SLIT3: variants seen among roughly 807,000 people sequenced by gnomAD.
SLIT3 encodes the protein slit homolog 3 protein.
Under a neutral mutation model 184.0 loss-of-function variants are expected in SLIT3, and 68 were observed. That is an observed-to-expected ratio of 0.37 (90% CI 0.30 to 0.45). SLIT3 has a LOEUF of 0.45. Among genes scored for constraint, SLIT3 ranks in the 20% least tolerant of loss-of-function variants. The probability of loss-of-function intolerance (pLI) is 1.00; values close to 1 mark genes in which losing one functional copy is unlikely to be tolerated. For missense variants in SLIT3, 1,707 were observed against 2,026.0 expected (o/e 0.84, Z 3.02); for synonymous variants, 831 against 828.6 (o/e 1.00, Z -0.05).
chr5:168,955,710 C>T (rs184730997), intron 4 of SLIT3, among the ~76,000 whole-genome samples: 28 of 152,302 alleles, frequency 1.8e-4, no homozygotes, highest in Admixed American at 1.7e-3. Flanking sequence ...AGGCCCACTG[C>T]CAAAAGGCCC....
intron 25 of SLIT3, chr5:168,708,625 A>ACATGATG (rs1277483368): frequency 6.1e-6 from 1 of 163,574 alleles, no homozygotes; most frequent in Admixed American, 5.8e-5. Context: ...GATGATGCTG[A>ACATGATG]CAATGGACAG....
chr5:169,099,251 T>C (rs1759914373), intron 4 of SLIT3, among the ~76,000 whole-genome samples: 1 of 152,110 alleles, frequency 6.6e-6, no homozygotes, highest in African/African-American at 2.4e-5. Context: ...AATAGGCGAT[T>C]TGCAGGCACA....
intron 5 of SLIT3, among the ~76,000 whole-genome samples, chr5:168,862,945 G>A (rs1024548912): frequency 6.6e-6 from 1 of 152,230 alleles, no homozygotes; most frequent in East Asian, 1.9e-4. Context: ...AAAGTGTTGG[G>A]ATTACAGGCA....
intron 20 of SLIT3, among the ~76,000 whole-genome samples, chr5:168,743,679 A>C (rs564170635): frequency 3.0e-4 from 46 of 152,266 alleles, no homozygotes; most frequent in Admixed American, 5.9e-4. Context: ...AGTGAGGAAG[A>C]CATATCAAAA....
At chr5:168,702,858 G>A (rs368215288) in intron 26 of SLIT3, among the ~76,000 whole-genome samples, 82 of 152,286 alleles carry the variant, frequency 5.4e-4, no homozygotes, top group Middle Eastern at 3.4e-3. Flanking sequence ...AAAGAACCTT[G>A]AGAAGGTCAA....
At chr5:168,896,281 C>G (rs1245948868) in intron 4 of SLIT3, among the ~76,000 whole-genome samples, 1 of 152,162 alleles carries the variant, frequency 6.6e-6, no homozygotes, top group Non-Finnish European at 1.5e-5. Context: ...GTTTTTGCAT[C>G]TGTATAATGC....
chr5:169,271,666 C>G (rs1766620929), intron 1 of SLIT3, among the ~76,000 whole-genome samples: 1 of 152,312 alleles, frequency 6.6e-6, no homozygotes, highest in Non-Finnish European at 1.5e-5. Context: ...TATATATAGA[C>G]AGAGATGCTC....
intron 3 of SLIT3, among the ~76,000 whole-genome samples, chr5:169,201,931 C>T (rs1030679120): frequency 2.0e-5 from 3 of 152,240 alleles, no homozygotes; most frequent in African/African-American, 7.2e-5. Flanking sequence ...AGCATCAAAA[C>T]AGCACAGATC....
At chr5:168,842,487 TG>T (rs1393596276) in intron 6 of SLIT3, among the ~76,000 whole-genome samples, 4 of 149,084 alleles carry the variant, frequency 2.7e-5, no homozygotes, top group South Asian at 2.2e-4. Context: ...TTTTTTTTTT[TG>T]TATCTGAGTA....
At chr5:169,218,341 A>AT (rs1392430782) in intron 3 of SLIT3, among the ~76,000 whole-genome samples, 1 of 152,228 alleles carries the variant, frequency 6.6e-6, no homozygotes, top group Non-Finnish European at 1.5e-5. Context: ...AACAAACTAG[A>AT]TAACAAAGCC....
intron 4 of SLIT3, among the ~76,000 whole-genome samples, chr5:169,122,960 T>C (rs1224368005): frequency 6.6e-6 from 1 of 152,154 alleles, no homozygotes; most frequent in East Asian, 1.9e-4. Flanking sequence ...CTGATACATG[T>C]AGACTGAGAA....
Position 168,673,242 on chromosome 5 carries a change from G to A in SLIT3, c.3776C>T (p.Pro1259Leu). The A allele has an allele frequency of 1.2e-6, 2 of 1,614,116 alleles. No homozygotes were observed. The highest frequency in any genetic ancestry group is 1.7e-6 in the Non-Finnish European group (2 of 1,180,026). ...CTTCTGGAGCTTCCCCAGGCTCTTT[G>A]GAGTTCCTTTGTCCACTACTAGGTT... ...TLNLVVDKGT[P>L]KSLGKLQKQP... Residue 1259 changes from proline to leucine, a missense_variant, in exon 33 of 36, where the codon CCA (proline) becomes CTA (leucine). This residue lies in a region of SLIT3 where 387 missense variants were observed against 477.9 expected (regional missense o/e 0.81). Transcript: ENST00000519560.
At chr5:168,757,569 C>G (rs967796302) in intron 16 of SLIT3, among the ~76,000 whole-genome samples, 42 of 152,278 alleles carry the variant, frequency 2.8e-4, no homozygotes, top group Admixed American at 5.2e-4. Context: ...GAGTAGCTGG[C>G]ACTACAGGCG....
chr5:169,046,136 C>T (rs899140894), intron 4 of SLIT3, among the ~76,000 whole-genome samples: 1 of 152,124 alleles, frequency 6.6e-6, no homozygotes, highest in Non-Finnish European at 1.5e-5. Context: ...CCCTACCCCC[C>T]AAAAGGTGCC....
intron 4 of SLIT3, among the ~76,000 whole-genome samples, chr5:169,185,184 TTGA>T (rs1561722349): frequency 6.6e-6 from 1 of 152,210 alleles, no homozygotes; most frequent in Admixed American, 6.5e-5. Flanking sequence ...AACTCTGGAA[TTGA>T]TGACATGTGC....
chr5:168,772,517 T>A (rs941149334), intron 14 of SLIT3: 1 of 495,380 alleles, frequency 2.0e-6, no homozygotes, highest in African/African-American at 2.0e-5. Context: ...GGAGACACGC[T>A]GCTGCCTGGG....
At chr5:168,722,790 T>G in intron 22 of SLIT3, 143 bp downstream of exon 22, 1 of 688,242 alleles carries the variant, frequency 1.5e-6, no homozygotes, top group Non-Finnish European at 2.6e-6. Flanking sequence ...CTTCTGATGA[T>G]TAAGGTGTAT....
At chr5:168,856,806 T>TGTGTGTGTGCGCGCGCGCGC (rs374432432) in intron 5 of SLIT3, among the ~76,000 whole-genome samples, 1 of 137,740 alleles carries the variant, frequency 7.3e-6, no homozygotes, top group African/African-American at 2.8e-5. Flanking sequence ...TGTGTGTGTG[T>TGTGTGTGTGCGCGCGCGCGC]GCGCGCGCGC....
chr5:169,094,947 C>T (rs79820922), intron 4 of SLIT3, among the ~76,000 whole-genome samples: 8,011 of 152,260 alleles, frequency 0.053, 367 homozygotes, highest in Admixed American at 0.13. Context: ...GACAGCTTGC[C>T]GGCCCACCCC....
Sources: allele counts gnomAD v4.1 joint callset (sites outside exome capture counted in the v4.1 genomes callset), GRCh38; gene constraint gnomAD v4.1.1; regional missense constraint gnomAD v4.1.1; transcripts MANE v1.5; gene names NCBI Gene and HGNC (gene_info 2026-07-23, HGNC 2026-07-21).